Variants in XIRP2 observed in about 807,000 individuals in gnomAD.
XIRP2 encodes xin actin binding repeat containing 2.
Under a neutral mutation model 277.0 loss-of-function variants are expected in XIRP2, and 236 were observed. The ratio of observed to expected loss-of-function variants is 0.85; its 90% CI spans 0.77 to 0.95. The LOEUF (loss-of-function observed/expected upper bound fraction) is 0.95, where lower values mean the gene tolerates loss of function less well. Among genes scored for constraint, XIRP2 ranks in the 40% least tolerant of loss-of-function variants. The pLI, the probability that XIRP2 is intolerant of heterozygous loss-of-function variation, is 0.00. For missense variants in XIRP2, 4,640 were observed against 4,157.5 expected, an observed-to-expected ratio of 1.12 and a Z score of -3.19; for synonymous variants, 1,490 against 1,416.5, an observed-to-expected ratio of 1.05 and a Z score of -1.17.
At chr2:167,142,027 G>A (rs964001015) in intron 3 of XIRP2, among the ~76,000 whole-genome samples, 6 of 152,110 alleles carry the variant, frequency 3.9e-5, no homozygotes, top group East Asian at 1.9e-4. Flanking sequence ...GAAACATACC[G>A]CAGTAAAATC....
chr2:167,214,233 G>C (rs892875460), intron 4 of XIRP2, among the ~76,000 whole-genome samples: 1 of 90,214 alleles, frequency 1.1e-5, no homozygotes, highest in South Asian at 5.3e-4. Flanking sequence ...AGGGAGGAAG[G>C]AAGGAAGGAA....
chr2:166,924,358 G>A (rs1685130477), intron 2 of XIRP2, among the ~76,000 whole-genome samples: 1 of 152,138 alleles, frequency 6.6e-6, no homozygotes, highest in Non-Finnish European at 1.5e-5. Context: ...CTGTGATACT[G>A]AGACAATGTG....
At chr2:167,207,648 T>C (rs1006881346) in intron 3 of XIRP2, among the ~76,000 whole-genome samples, 2 of 152,204 alleles carry the variant, frequency 1.3e-5, no homozygotes, top group Non-Finnish European at 2.9e-5. Flanking sequence ...TTTTAAAAAC[T>C]GCAGAAGAAA....
intron 5 of XIRP2, among the ~76,000 whole-genome samples, chr2:167,221,219 TC>T: frequency 6.6e-6 from 1 of 152,146 alleles, no homozygotes; most frequent in South Asian, 2.1e-4. Context: ...ATGCCTGTAA[TC>T]CCAGCAGTTT....
chr2:167,227,511 G>T (rs1694639141), intron 5 of XIRP2, among the ~76,000 whole-genome samples: 1 of 151,974 alleles, frequency 6.6e-6, no homozygotes, highest in South Asian at 2.1e-4. Context: ...GACCAGCCTG[G>T]GCAACATAGC....
intron 2 of XIRP2, among the ~76,000 whole-genome samples, chr2:167,024,772 G>A (rs929110318): frequency 8.5e-5 from 13 of 152,120 alleles, no homozygotes; most frequent in East Asian, 1.9e-4. Flanking sequence ...ATTTGCGTAT[G>A]TTGAACCAGC....
At chr2:167,189,235 GTC>G (rs980690696) in intron 3 of XIRP2, among the ~76,000 whole-genome samples, 1 of 152,044 alleles carries the variant, frequency 6.6e-6, no homozygotes, top group East Asian at 1.9e-4. Context: ...ATATATTTCT[GTC>G]TCTCTCTTTC....
intron 2 of XIRP2, among the ~76,000 whole-genome samples, chr2:166,922,454 T>A (rs1397699): frequency 0.31 from 46,372 of 151,998 alleles, 7,615 homozygotes; most frequent in East Asian, 0.55. Context: ...ATGAGCATAT[T>A]GTGACTCTCC....
chr2:166,911,291 G>T (rs543389268), intron 2 of XIRP2, among the ~76,000 whole-genome samples: 40 of 152,280 alleles, frequency 2.6e-4, no homozygotes, highest in African/African-American at 9.6e-4. Flanking sequence ...ATGAATCTGG[G>T]TGCTCCTGTA....
chr2:167,182,714 T>C (rs1431368481), intron 3 of XIRP2, among the ~76,000 whole-genome samples: 3 of 152,162 alleles, frequency 2.0e-5, no homozygotes, highest in Non-Finnish European at 4.4e-5. Flanking sequence ...CACTAATATC[T>C]TGGGGTTGCT....
chr2:167,023,470 T>G (rs1688048340), intron 2 of XIRP2, among the ~76,000 whole-genome samples: 1 of 151,930 alleles, frequency 6.6e-6, no homozygotes, highest in Non-Finnish European at 1.5e-5. Context: ...TTAGATCCCA[T>G]TTGTCAATTT....
chr2:167,217,849 G>C (rs1694301743), intron 4 of XIRP2, among the ~76,000 whole-genome samples: 1 of 152,050 alleles, frequency 6.6e-6, no homozygotes, highest in African/African-American at 2.4e-5. Flanking sequence ...CCACTAGTCT[G>C]TATATTACAG....
At position 167,258,664 on chromosome 2, in the gene XIRP2, GAATAATAATAACAATTATGTAGCAGT is replaced by G. The variant is rs746874950; in HGVS notation, c.*848_*873del. On this transcript the variant is annotated 3_prime_UTR_variant, in exon 11 of 11. Transcript: ENST00000409195. ...AAAATCATAAAGAAAATTTGAATAAGAATAATAATAACAATTATGTAGCAGTCTCATATCTGAATAATTGCAGGCAG... is the reference window on the plus strand; with the variant it reads ...AAAATCATAAAGAAAATTTGAATAAGCTCATATCTGAATAATTGCAGGCAG... 1.9e-6 allele frequency: 3 copies of G among 1,611,374 alleles called. No homozygotes were observed. In the South Asian group the frequency reaches 3.3e-5, roughly 18 times the overall value.
chr2:167,135,899 C>A lies in XIRP2; in HGVS notation c.409-10C>A. 1 of 1,591,258 alleles carries A rather than the reference C, an allele frequency of 6.3e-7. No individual in the cohort carries two copies. The highest frequency in any genetic ancestry group is 8.5e-7 in the Non-Finnish European group (1 of 1,169,756). ...CTTTTAACATACAACCCTTTAATGTCTTGTAACAGGAAGTGGAAATTGAGC... is the reference window on the plus strand; with the variant it reads ...CTTTTAACATACAACCCTTTAATGTATTGTAACAGGAAGTGGAAATTGAGC... On this transcript the variant is annotated splice_polypyrimidine_tract_variant and intron_variant, in intron 2 of 10. Coordinates refer to ENST00000409195, the MANE Select transcript of XIRP2 (RefSeq NM_152381.6).
chr2:166,951,752 C>T (rs1025119414), intron 2 of XIRP2, among the ~76,000 whole-genome samples: 2 of 152,020 alleles, frequency 1.3e-5, no homozygotes, highest in Non-Finnish European at 2.9e-5. Flanking sequence ...CCCAACCTAG[C>T]TTTCTACTCT....
At chr2:167,161,506 G>A (rs1214596072) in intron 3 of XIRP2, among the ~76,000 whole-genome samples, 3 of 152,198 alleles carry the variant, frequency 2.0e-5, no homozygotes, top group Non-Finnish European at 2.9e-5. Flanking sequence ...CCACATGGAA[G>A]CTGCTAAGGC....
At chr2:167,131,708 C>T (rs902558698) in intron 2 of XIRP2, among the ~76,000 whole-genome samples, 1 of 152,110 alleles carries the variant, frequency 6.6e-6, no homozygotes, top group African/African-American at 2.4e-5. Flanking sequence ...ACTCACTCTC[C>T]ATCACACTTT....
intron 2 of XIRP2, among the ~76,000 whole-genome samples, chr2:167,045,140 A>G (rs1192352007): frequency 6.6e-6 from 1 of 152,138 alleles, no homozygotes; most frequent in Non-Finnish European, 1.5e-5. Context: ...TGACAAAAGT[A>G]AGCAATGGGA....
Position 166,892,963 on chromosome 2 carries a change from CAT to C in XIRP2, c.-19+4417_-19+4418del, listed in dbSNP as rs1209895250. ...GTGTATATTTATGTGTGTGTATATA[CAT>C]ATATATATATGTATATACACACACA... is the stretch of plus-strand genomic sequence containing the variant. On this transcript the variant is annotated intron_variant, in intron 1 of 10. Coordinates refer to ENST00000409195, the MANE Select transcript of XIRP2 (RefSeq NM_152381.6). Among the ~76,000 whole-genome samples, 69 of 136,516 alleles carry C rather than the reference CAT, an allele frequency of 5.1e-4. 3 individuals are homozygous for C. The South Asian group carries it at 1.0e-2, about 20-fold the overall frequency. 89.6% of individuals were successfully genotyped at this position (136,516 alleles called of 152,430 possible).
Sources: gnomAD v4.1 joint callset for allele counts (sites outside exome capture counted in the v4.1 genomes callset) on GRCh38, gnomAD v4.1.1 for gene constraint, MANE v1.5 for transcripts, NCBI Gene and HGNC (gene_info 2026-07-23, HGNC 2026-07-21) for gene names.